FRMD4B: variants seen among roughly 807,000 people sequenced by gnomAD.
FRMD4B encodes the protein FERM domain containing 4B, also known as FERM domain-containing protein 4B.
FRMD4B carries 74 observed loss-of-function variants against 141.5 expected under a neutral mutation model. That is an observed-to-expected ratio of 0.52 (90% confidence interval 0.43 to 0.63). The LOEUF (loss-of-function observed/expected upper bound fraction) is 0.63. Among genes scored for constraint, FRMD4B ranks in the 30% least tolerant of loss-of-function variants. The pLI, the probability that FRMD4B is intolerant of heterozygous loss-of-function variation, is 0.00. For missense variants in FRMD4B, 1,366 were observed against 1,253.4 expected (o/e 1.09, Z -1.36); for synonymous variants, 506 against 467.9 (o/e 1.08, Z -1.05).
At chr3:69,268,826 T>G (rs983668433) in intron 5 of FRMD4B, among the ~76,000 whole-genome samples, 1 of 151,992 alleles carries the variant, frequency 6.6e-6, no homozygotes, top group Admixed American at 6.5e-5. Flanking sequence ...GCTCATTTAT[T>G]ACTATTTTTG....
chr3:69,454,210 TAGA>T (rs1337135894), intron 1 of FRMD4B, among the ~76,000 whole-genome samples: 2 of 152,310 alleles, frequency 1.3e-5, no homozygotes, highest in African/African-American at 4.8e-5. Flanking sequence ...GTCCCATGTG[TAGA>T]AGGAGATACT....
chr3:69,456,233 CAA>C (rs1194967851), intron 1 of FRMD4B, among the ~76,000 whole-genome samples: 1 of 127,074 alleles, frequency 7.9e-6, no homozygotes, highest in South Asian at 2.8e-4. Context: ...TCATGAAACT[CAA>C]AGTGTTTGCA....
intron 1 of FRMD4B, among the ~76,000 whole-genome samples, chr3:69,477,269 C>A (rs1404886026): frequency 1.9e-3 from 266 of 141,768 alleles, no homozygotes; most frequent in African/African-American, 5.0e-3. Context: ...GAGAGGGCAT[C>A]CCTGTCTTGT....
intron 19 of FRMD4B, among the ~76,000 whole-genome samples, chr3:69,187,199 C>A (rs906605540): frequency 9.9e-5 from 15 of 151,934 alleles, no homozygotes; most frequent in South Asian, 2.1e-4. Context: ...TAATATAGAT[C>A]AAATAGACTT....
At chr3:69,313,708 C>T (rs1413389279) in intron 1 of FRMD4B, among the ~76,000 whole-genome samples, 191 bp from the exon 2 acceptor site, 4 of 152,222 alleles carry the variant, frequency 2.6e-5, no homozygotes, top group African/African-American at 9.6e-5. Flanking sequence ...GAACAAAGAG[C>T]ACAGGCTAGT....
At chr3:69,184,516 G>T (rs1202263369) in intron 19 of FRMD4B, among the ~76,000 whole-genome samples, 2 of 152,102 alleles carry the variant, frequency 1.3e-5, no homozygotes, top group African/African-American at 4.8e-5. Flanking sequence ...TTTTCAATTT[G>T]CCAGTAGTGT....
chr3:69,263,639 T>C (rs1303942324), intron 5 of FRMD4B, among the ~76,000 whole-genome samples: 7 of 151,804 alleles, frequency 4.6e-5, no homozygotes. Flanking sequence ...CTTGAACTCT[T>C]GGGCTTAAGC....
At chr3:69,345,611 C>A (rs1009713348) in intron 1 of FRMD4B, among the ~76,000 whole-genome samples, 1 of 152,190 alleles carries the variant, frequency 6.6e-6, no homozygotes, top group Non-Finnish European at 1.5e-5. Context: ...ACACCTCACA[C>A]AGCCGGGTAG....
chr3:69,362,969 T>G (rs966062066), intron 1 of FRMD4B, among the ~76,000 whole-genome samples: 9 of 144,940 alleles, frequency 6.2e-5, no homozygotes, highest in African/African-American at 2.3e-4. Flanking sequence ...TGAGCTTATA[T>G]TGTATCAGAA....
At chr3:69,299,440 T>C (rs1008441603) in intron 4 of FRMD4B, among the ~76,000 whole-genome samples, 1 of 152,152 alleles carries the variant, frequency 6.6e-6, no homozygotes, top group African/African-American at 2.4e-5. Context: ...AAAGTAATGA[T>C]TTATGAGAGG....
intron 4 of FRMD4B, among the ~76,000 whole-genome samples, chr3:69,294,212 C>T (rs1442470299): frequency 6.6e-6 from 1 of 152,164 alleles, no homozygotes; most frequent in East Asian, 1.9e-4. Context: ...CTTTTAGTCA[C>T]CATGAGTAAT....
chr3:69,436,568 T>G (rs902420439), intron 1 of FRMD4B, among the ~76,000 whole-genome samples: 1 of 152,210 alleles, frequency 6.6e-6, no homozygotes, highest in Admixed American at 6.5e-5. Flanking sequence ...AATTACCATA[T>G]GATCCAGCAA....
At chr3:69,528,615 C>T (rs1362600405) in intron 1 of FRMD4B, among the ~76,000 whole-genome samples, 1 of 152,118 alleles carries the variant, frequency 6.6e-6, no homozygotes, top group Non-Finnish European at 1.5e-5. Flanking sequence ...ATCCACCTGC[C>T]TTGGCTTCCC....
At chr3:69,259,683 ATGAATCTT>A (rs2093513785) in intron 5 of FRMD4B, among the ~76,000 whole-genome samples, 1 of 152,236 alleles carries the variant, frequency 6.6e-6, no homozygotes, top group Non-Finnish European at 1.5e-5. Flanking sequence ...AATTTTCCAT[ATGAATCTT>A]TGACATCCTC....
At chr3:69,484,136 G>A (rs1379867836) in intron 1 of FRMD4B, among the ~76,000 whole-genome samples, 1 of 152,196 alleles carries the variant, frequency 6.6e-6, no homozygotes, top group Non-Finnish European at 1.5e-5. Context: ...TTTTGAGCAA[G>A]GGATGGGAGG....
intron 1 of FRMD4B, among the ~76,000 whole-genome samples, chr3:69,494,117 T>C (rs1170998819): frequency 1.3e-5 from 2 of 152,192 alleles, no homozygotes; most frequent in Non-Finnish European, 2.9e-5. Flanking sequence ...CGGCATCAAG[T>C]GGTTCTCCCA....
intron 7 of FRMD4B, among the ~76,000 whole-genome samples, chr3:69,239,598 C>T (rs1169345975): frequency 6.6e-6 from 1 of 152,118 alleles, no homozygotes; most frequent in Non-Finnish European, 1.5e-5. Context: ...TGAAAATCTA[C>T]AAATATTTAA....
intron 8 of FRMD4B, among the ~76,000 whole-genome samples, chr3:69,224,037 AGG>A (rs2093225050): frequency 6.6e-6 from 1 of 152,190 alleles, no homozygotes; most frequent in African/African-American, 2.4e-5. Flanking sequence ...AACCATCTTG[AGG>A]ATTCAGACTG....
intron 1 of FRMD4B, among the ~76,000 whole-genome samples, chr3:69,511,029 T>C (rs1259002644): frequency 6.6e-6 from 1 of 152,216 alleles, no homozygotes. Flanking sequence ...CTCATAAAGA[T>C]TTCTCAGAAC....
Sources: gnomAD v4.1 joint callset for allele counts (sites outside exome capture counted in the v4.1 genomes callset) on GRCh38, gnomAD v4.1.1 for gene constraint, MANE v1.5 for transcripts, NCBI Gene and HGNC (gene_info 2026-07-23, HGNC 2026-07-21) for gene names.